Variants in PRKN observed in about 807,000 individuals in gnomAD.
The protein encoded by PRKN is parkin RBR E3 ubiquitin protein ligase, also known as E3 ubiquitin-protein ligase parkin.
Under a neutral mutation model 59.5 loss-of-function variants are expected in PRKN, and 56 were observed. That is an observed-to-expected ratio of 0.94 (90% CI 0.76 to 1.18). The LOEUF (loss-of-function observed/expected upper bound fraction) is 1.18, where lower values mean the gene tolerates loss of function less well. PRKN is among the 50% of genes most tolerant of loss of function. The pLI is 0.00. For missense variants in PRKN, 657 were observed against 596.4 expected (o/e 1.10, Z -1.06); for synonymous variants, 250 against 222.1 (o/e 1.13, Z -1.12).
intron 1 of PRKN, among the ~76,000 whole-genome samples, chr6:162,562,465 A>G (rs1463043002): frequency 1.3e-5 from 2 of 152,096 alleles, no homozygotes; most frequent in Non-Finnish European, 2.9e-5. Context: ...TGGGAAGTCC[A>G]CTGCTCTGAA....
chr6:162,621,213 T>G (rs926097936), intron 1 of PRKN, among the ~76,000 whole-genome samples: 1 of 152,296 alleles, frequency 6.6e-6, no homozygotes, highest in African/African-American at 2.4e-5. Context: ...GGAAGAGCCC[T>G]TCCCGGGTTC....
Position 161,376,654 on chromosome 6 carries a change from T to A in PRKN, c.1167+10140A>T, listed in dbSNP as rs1785716045. Among the ~76,000 whole-genome samples, 1 of 152,142 alleles carries A rather than the reference T, an allele frequency of 6.6e-6. No homozygotes were observed. Among genetic ancestry groups the A allele is most frequent in the Admixed American group, 6.5e-5 (1 of 15,276 alleles). On this transcript the variant is annotated intron_variant, in intron 10 of 11. Coordinates refer to ENST00000366898, the MANE Select transcript of PRKN (RefSeq NM_004562.3). This position sits in a 1 kb window ranked among gnomAD's most constrained non-coding sequence, Gnocchi z 7.3. The stretch of plus-strand genomic sequence containing the variant: ...AGGTCACACCGTCACATCACGGCGA[T>A]AGGGCAGCTCACGCCCAGTGGTGGA...
chr6:162,159,684 T>C (rs1404833499), intron 4 of PRKN, among the ~76,000 whole-genome samples: 1 of 152,230 alleles, frequency 6.6e-6, no homozygotes, highest in African/African-American at 2.4e-5. Flanking sequence ...TTGGAGAACT[T>C]CTGCTACTTT....
At chr6:162,510,401 G>C (rs191196401) in intron 1 of PRKN, among the ~76,000 whole-genome samples, 6 of 152,198 alleles carry the variant, frequency 3.9e-5, no homozygotes, top group African/African-American at 7.2e-5. Flanking sequence ...GTGTGAGAGG[G>C]CGACACTCCT....
rs1331495196 is a variant in PRKN at position 161,460,412 on chromosome 6, T to C, written c.1084-73535A>G. Among the ~76,000 whole-genome samples, 2 of 152,066 alleles carry C rather than the reference T, an allele frequency of 1.3e-5. No individual in the cohort carries two copies. On this transcript the variant is annotated intron_variant, in intron 9 of 11. Coordinates refer to ENST00000366898, the MANE Select transcript of PRKN (RefSeq NM_004562.3). The surrounding 1 kb of genome is among the most constrained non-coding windows in gnomAD (Gnocchi z 5.0). ...ATATCCATTTAGGATCTCTGGAATA[T>C]AATGGGCTATACTTGGCATTGGAGT...
intron 7 of PRKN, among the ~76,000 whole-genome samples, chr6:161,713,844 G>A (rs1221511764): frequency 1.3e-5 from 2 of 152,098 alleles, no homozygotes; most frequent in Non-Finnish European, 2.9e-5. Context: ...TTGAATCATG[G>A]GGCCGGGTTT....
At chr6:162,110,913 C>T (rs752426351) in intron 4 of PRKN, among the ~76,000 whole-genome samples, 2 of 152,148 alleles carry the variant, frequency 1.3e-5, no homozygotes, top group Non-Finnish European at 2.9e-5. Flanking sequence ...GATTCTGAGA[C>T]ATCCCAAAAA....
At chr6:161,895,663 G>A (rs1016776279) in intron 6 of PRKN, among the ~76,000 whole-genome samples, 1 of 126,148 alleles carries the variant, frequency 7.9e-6, no homozygotes, top group Admixed American at 7.4e-5. Flanking sequence ...TCAGGAGCAC[G>A]CCCACCCCTC....
chr6:161,600,331 G>A (rs1782062252), intron 7 of PRKN, among the ~76,000 whole-genome samples: 1 of 151,960 alleles, frequency 6.6e-6, no homozygotes, highest in Non-Finnish European at 1.5e-5. Context: ...CATTCATCTG[G>A]GTGGACTTCT....
At position 162,406,464 on chromosome 6, in the gene PRKN, T is replaced by C. The variant is rs139646818; in HGVS notation, c.171+36846A>G. On this transcript the variant is annotated intron_variant, in intron 2 of 11. Coordinates refer to ENST00000366898, the MANE Select transcript of PRKN (RefSeq NM_004562.3). Reference sequence around the variant, plus strand: ...TTATAAAGAATGCAGTACTTAGATATAGACTCTCTATGCAGCATTTCCTAG... The same window carrying C: ...TTATAAAGAATGCAGTACTTAGATACAGACTCTCTATGCAGCATTTCCTAG... Among the ~76,000 whole-genome samples, 204 of 152,352 alleles carry C rather than the reference T, an allele frequency of 1.3e-3. 1 individual carries two copies. Among genetic ancestry groups the C allele is most frequent in the African/African-American group, 4.6e-3 (192 of 41,586 alleles).
chr6:162,124,325 A>G (rs954229959), intron 4 of PRKN, among the ~76,000 whole-genome samples: 7 of 152,098 alleles, frequency 4.6e-5, no homozygotes, highest in South Asian at 2.1e-4. Flanking sequence ...TGAATTCTCT[A>G]CTTAAAATTT....
chr6:161,650,782 T>A (rs895610933), intron 7 of PRKN, among the ~76,000 whole-genome samples: 1 of 152,184 alleles, frequency 6.6e-6, no homozygotes, highest in Non-Finnish European at 1.5e-5. Flanking sequence ...TGGTCTTGAG[T>A]GTAGACAGTC....
intron 7 of PRKN, among the ~76,000 whole-genome samples, chr6:161,749,741 G>A (rs1457082523): frequency 6.6e-6 from 1 of 152,088 alleles, no homozygotes. Context: ...GGGCTGACAT[G>A]GGGCACATCA....
At chr6:162,360,669 A>C in intron 2 of PRKN, among the ~76,000 whole-genome samples, 1 of 152,208 alleles carries the variant, frequency 6.6e-6, no homozygotes, top group Middle Eastern at 3.2e-3. Flanking sequence ...AGAGGTCAAG[A>C]AGTCAAAAGT....
intron 2 of PRKN, among the ~76,000 whole-genome samples, chr6:162,336,491 C>T (rs1389749360): frequency 1.3e-5 from 2 of 152,166 alleles, no homozygotes; most frequent in East Asian, 1.9e-4. Flanking sequence ...CAGAGATTCA[C>T]ACCATAATGC....
At chr6:162,546,526 C>T (rs1268575071) in intron 1 of PRKN, among the ~76,000 whole-genome samples, 2 of 151,852 alleles carry the variant, frequency 1.3e-5, no homozygotes, top group Admixed American at 6.6e-5. Flanking sequence ...TCACTGCAAC[C>T]TCCCCCTCTT....
chr6:162,716,244 T>C (rs1584106582), intron 1 of PRKN, among the ~76,000 whole-genome samples: 1 of 152,384 alleles, frequency 6.6e-6, no homozygotes, highest in East Asian at 1.9e-4. Context: ...ACTAACAATG[T>C]ATAAGGGAAT....
chr6:161,486,408 T>G (rs974570857), intron 9 of PRKN, among the ~76,000 whole-genome samples: 1 of 152,208 alleles, frequency 6.6e-6, no homozygotes, highest in Non-Finnish European at 1.5e-5. Context: ...AAAATGAAAT[T>G]TGAAGTCAGA....
chr6:162,664,781 T>C (rs1043733746), intron 1 of PRKN, among the ~76,000 whole-genome samples: 2 of 152,202 alleles, frequency 1.3e-5, no homozygotes, highest in Admixed American at 6.5e-5. Context: ...TTCTGTATAT[T>C]AGACTTTGTC....
Sources: allele counts gnomAD v4.1 joint callset (sites outside exome capture counted in the v4.1 genomes callset), GRCh38; gene constraint gnomAD v4.1.1; non-coding constraint Gnocchi (gnomAD v3.1); transcripts MANE v1.5; gene names NCBI Gene and HGNC (gene_info 2026-07-23, HGNC 2026-07-21).